ELP1: variants seen among roughly 807,000 people sequenced by gnomAD.
ELP1 encodes the protein elongator complex protein 1.
Under a neutral mutation model 183.2 loss-of-function variants are expected in ELP1, and 131 were observed. The observed-to-expected ratio is 0.72, with a 90% confidence interval of 0.62 to 0.83. The LOEUF (loss-of-function observed/expected upper bound fraction) is 0.83. Ranked by LOEUF, ELP1 falls within the 40% of genes least tolerant of loss-of-function variation. ELP1 has a pLI of 0.00. For missense variants in ELP1, 1,550 were observed against 1,594.9 expected (o/e 0.97, Z 0.48); for synonymous variants, 555 against 569.0 (o/e 0.98, Z 0.35).
chr9:108,906,617 GATACTACCAA>G, intron 13 of ELP1, 132 bp from the exon 14 acceptor site: 1 of 717,714 alleles, frequency 1.4e-6, no homozygotes, highest in Non-Finnish European at 2.5e-6. Flanking sequence ...CAAAACCTGA[GATACTACCAA>G]ATACTACAAA....
rs1829253085 is a variant in ELP1 at position 108,912,269 on chromosome 9, T to A, written c.1184A>T (p.Asp395Val). The change falls in exon 11 of 37, where the codon GAT (aspartate) becomes GTT (valine). Residue 395 changes from aspartate to valine, a missense_variant. By Grantham distance (152) the Asp-to-Val change is radical. Coordinates refer to ENST00000374647, the MANE Select transcript of ELP1 (RefSeq NM_003640.5). ...SSDLSNVAVI[D>V]GNRVLVTVFR... ...CACACTTCCCAGGAGCTTACTTCCA[T>A]CAATGACAGCCACATTGGACAAGTC... 6.2e-7 allele frequency: 1 copy of A among 1,613,688 alleles called. No homozygotes were observed. Among genetic ancestry groups the A allele is most frequent in the Non-Finnish European group, 8.5e-7 (1 of 1,179,584 alleles).
chr9:108,874,052 C>T (rs1009626985), intron 36 of ELP1, among the ~76,000 whole-genome samples: 1 of 152,122 alleles, frequency 6.6e-6, no homozygotes, highest in African/African-American at 2.4e-5. Flanking sequence ...TAAAGTCAAA[C>T]TTAATTTGAA....
chr9:108,923,361 G>A (rs1213755919), intron 5 of ELP1, among the ~76,000 whole-genome samples: 3 of 151,512 alleles, frequency 2.0e-5, no homozygotes, highest in East Asian at 1.9e-4. Flanking sequence ...GTAACACAGC[G>A]AGACCCCCAT....
chr9:108,890,261 G>A (rs750890409), intron 28 of ELP1, among the ~76,000 whole-genome samples: 3 of 152,162 alleles, frequency 2.0e-5, no homozygotes, highest in Non-Finnish European at 4.4e-5. Context: ...GCATGGAAAC[G>A]GAGGGATTTG....
chr9:108,918,906 G>A lies in ELP1; in HGVS notation c.650-5C>T. On this transcript the variant is annotated splice_polypyrimidine_tract_variant and splice_region_variant and intron_variant, in intron 7 of 36. Coordinates refer to ENST00000374647, the MANE Select transcript of ELP1 (RefSeq NM_003640.5). ...ACACTCTGACCTTCCGAGCCCCTGT[G>A]CGGGAGTGGAGTCAAACACACATAC... The A allele has an allele frequency of 6.2e-7, 1 of 1,612,028 alleles. No individual in the cohort carries two copies. The highest frequency in any genetic ancestry group is 2.2e-5 in the East Asian group (1 of 44,874).
intron 10 of ELP1, among the ~76,000 whole-genome samples, chr9:108,913,362 T>A (rs577461509): frequency 1.3e-5 from 2 of 152,302 alleles, no homozygotes; most frequent in East Asian, 3.9e-4. Flanking sequence ...CCAACATCTA[T>A]TAAGCAAGCA....
chr9:108,892,450 G>T (rs927775688), intron 27 of ELP1, among the ~76,000 whole-genome samples: 1 of 152,192 alleles, frequency 6.6e-6, no homozygotes, highest in African/African-American at 2.4e-5. Flanking sequence ...ATGGTAGAGT[G>T]GTGGTTAATG....
intron 29 of ELP1, among the ~76,000 whole-genome samples, chr9:108,888,199 A>G (rs1199370193): frequency 2.6e-5 from 4 of 152,242 alleles, no homozygotes; most frequent in Non-Finnish European, 4.4e-5. Flanking sequence ...AATTCTAGAT[A>G]ATGTGAAACT....
intron 15 of ELP1, among the ~76,000 whole-genome samples, chr9:108,903,319 A>G (rs1369778134): frequency 6.6e-6 from 1 of 151,960 alleles, no homozygotes; most frequent in African/African-American, 2.4e-5. Flanking sequence ...GAGTGAGAAC[A>G]TGCGGTGTTT....
chr9:108,897,161 T>C lies in ELP1; in HGVS notation c.2488A>G (p.Ile830Val), dbSNP rs1289518183. 1 of 1,614,240 alleles carries C rather than the reference T, an allele frequency of 6.2e-7. No homozygotes were observed. Among genetic ancestry groups the C allele is most frequent in the South Asian group, 1.1e-5 (1 of 91,080 alleles). Residue 830 changes from isoleucine to valine, a missense_variant, in exon 23 of 37, where the codon ATA becomes GTA. Transcript: ENST00000374647. Reference sequence around the variant, plus strand: ...CAGCATACATACTTATGAGGATTTATGCTCTCCATGACTGCTCTCATAGCA... The same window carrying C: ...CAGCATACATACTTATGAGGATTTACGCTCTCCATGACTGCTCTCATAGCA... ...CDAMRAVMESINPHKYCLSIL... is the reference protein window; with the variant it reads ...CDAMRAVMESVNPHKYCLSIL...
At position 108,918,895 on chromosome 9, in the gene ELP1, C is replaced by T. The variant is rs749382362; in HGVS notation, c.656G>A (p.Arg219Gln). Residue 219 changes from arginine to glutamine, a missense_variant, in exon 8 of 37, where the codon CGG (arginine) becomes CAG (glutamine). Transcript: ENST00000374647. Reference sequence around the variant, plus strand: ...CTCTCGGTTCCACACTCTGACCTTCCGAGCCCCTGTGCGGGAGTGGAGTCA... The same window carrying T: ...CTCTCGGTTCCACACTCTGACCTTCTGAGCCCCTGTGCGGGAGTGGAGTCA... ...VSVVCPETGA[R>Q]KVRVWNREFA... The T allele has an allele frequency of 1.7e-5, 27 of 1,613,818 alleles. No individual in the cohort carries two copies. Among genetic ancestry groups the T allele is most frequent in the South Asian group, 8.8e-5 (8 of 91,082 alleles).
chr9:108,904,876 A>G (rs952860554), intron 14 of ELP1, among the ~76,000 whole-genome samples: 1 of 152,240 alleles, frequency 6.6e-6, no homozygotes, highest in Non-Finnish European at 1.5e-5. Context: ...TATATGAACA[A>G]AACAGTCTTT....
Position 108,918,547 on chromosome 9 carries a change from A to T in ELP1, c.740+264T>A, listed in dbSNP as rs112046297. ...CCTGCCTTAAAACCACAGCCTTTTA[A>T]GAGTTAGGAATGCAAAATATATGCG... On this transcript the variant is annotated intron_variant, in intron 8 of 36. Coordinates refer to ENST00000374647, the MANE Select transcript of ELP1 (RefSeq NM_003640.5). 2.6e-3 allele frequency among the ~76,000 whole-genome samples: 391 copies of T among 152,306 alleles called. 2 individuals are homozygous for T. Among genetic ancestry groups the T allele is most frequent in the African/African-American group, 8.9e-3 (368 of 41,558 alleles).
At chr9:108,895,622 C>T (rs370424380) in intron 25 of ELP1, among the ~76,000 whole-genome samples, 1 of 152,138 alleles carries the variant, frequency 6.6e-6, no homozygotes, top group East Asian at 1.9e-4. Flanking sequence ...AGTATTATGG[C>T]TTCTGAATTA....
intron 10 of ELP1, among the ~76,000 whole-genome samples, chr9:108,915,808 G>A (rs973741951): frequency 4.0e-5 from 6 of 150,926 alleles, no homozygotes; most frequent in Non-Finnish European, 5.9e-5. Flanking sequence ...TTCTATACCC[G>A]CAACCAAACG....
At chr9:108,884,365 A>C (rs1828043163) in intron 29 of ELP1, among the ~76,000 whole-genome samples, 1 of 152,198 alleles carries the variant, frequency 6.6e-6, no homozygotes, top group African/African-American at 2.4e-5. Context: ...GAAATCAATA[A>C]GGATATAAAA....
Position 108,891,368 on chromosome 9 carries a change from C to T in ELP1, c.2995G>A (p.Glu999Lys), listed in dbSNP as rs1355083059. The T allele has an allele frequency of 8.1e-6, 13 of 1,613,950 alleles. No homozygotes were observed. Among genetic ancestry groups the T allele is most frequent in the Non-Finnish European group, 1.0e-5 (12 of 1,180,018 alleles). The change falls in exon 28 of 37, where the codon GAG (glutamate) becomes AAG (lysine). Residue 999 changes from glutamate (E) to lysine (K), a missense_variant. Coordinates refer to ENST00000374647, the MANE Select transcript of ELP1 (RefSeq NM_003640.5). The stretch of plus-strand genomic sequence containing the variant: ...AGCCCCGCTGGCTCATACATGTGCT[C>T]CTGCATCAGGTGCTCCCCATAAGCA... Reference protein sequence around the residue: ...SIAYGEHLMQEHMYEPAGLMF... With the variant: ...SIAYGEHLMQKHMYEPAGLMF...
At position 108,927,632 on chromosome 9, in the gene ELP1, C is replaced by A. The variant is rs147869032; in HGVS notation, c.304-179G>T. 6.6e-4 allele frequency among the ~76,000 whole-genome samples: 101 copies of A among 152,254 alleles called. 3 individuals carry two copies. Among genetic ancestry groups the A allele is most frequent in the African/African-American group, 2.4e-3 (99 of 41,530 alleles). The stretch of plus-strand genomic sequence containing the variant: ...CACAATAGCTAAGATTTGGAAGCAA[C>A]CTAAGTGTCCATCAATGGATGACTG... On this transcript the variant is annotated intron_variant, in intron 3 of 36. Transcript: ENST00000374647.
At chr9:108,897,858 AACTC>A (rs1828617523) in intron 22 of ELP1, among the ~76,000 whole-genome samples, 1 of 152,228 alleles carries the variant, frequency 6.6e-6, no homozygotes, top group East Asian at 1.9e-4. Context: ...CATTTGCCAA[AACTC>A]ACTAAGTGGC....
Sources: allele counts gnomAD v4.1 joint callset (sites outside exome capture counted in the v4.1 genomes callset), GRCh38; gene constraint gnomAD v4.1.1; transcripts MANE v1.5; gene names NCBI Gene and HGNC (gene_info 2026-07-23, HGNC 2026-07-21).